CCNB3: variants seen among roughly 807,000 people sequenced by gnomAD.
CCNB3 encodes the protein cyclin B3, also known as G2/mitotic-specific cyclin-B3.
In CCNB3, 12 loss-of-function variants were observed where a neutral mutation model predicts 68.0. The ratio of observed to expected loss-of-function variants is 0.18; its 90% confidence interval spans 0.11 to 0.29. CCNB3 has a LOEUF of 0.29. Ranked by LOEUF, CCNB3 falls within the 10% of genes least tolerant of loss-of-function variation. CCNB3 has a pLI of 1.00. For synonymous variants in CCNB3, 354 were observed against 388.9 expected (o/e 0.91, Z 1.06); for missense variants, 904 against 993.1 (o/e 0.91, Z 1.21).
chrX:50,303,317 T>C (rs1219415609), intron 5 of CCNB3, among the ~76,000 whole-genome samples: 1 of 110,817 alleles, frequency 9.0e-6, no homozygotes, highest in East Asian at 2.8e-4. Context: ...GGCTAATTTT[T>C]ATATTTTTAG....
chrX:50,218,822 G>A (rs1479551411), intron 1 of CCNB3, among the ~76,000 whole-genome samples: 2 of 111,748 alleles, frequency 1.8e-5, no homozygotes, highest in African/African-American at 6.5e-5. Flanking sequence ...GAATCAAATG[G>A]TATTTCTCAT....
intron 2 of CCNB3, 47 bp from the exon 3 acceptor site, chrX:50,285,080 A>T: frequency 1.4e-6 from 1 of 706,377 alleles, no homozygotes. Context: ...CAGAGAATTT[A>T]TCGTGTTTCT....
upstream of CCNB3, among the ~76,000 whole-genome samples, chrX:50,203,542 A>G (rs1332883433): frequency 5.3e-5 from 6 of 112,390 alleles, no homozygotes; most frequent in African/African-American, 1.9e-4. Flanking sequence ...GAGAGTACAC[A>G]ATGACATTTA....
intron 8 of CCNB3, among the ~76,000 whole-genome samples, chrX:50,339,282 A>G (rs1923004958): frequency 3.6e-5 from 4 of 112,247 alleles, no homozygotes; most frequent in African/African-American, 1.3e-4. Context: ...CTCTGGAAAG[A>G]TGGGACAACT....
rs61755285 is a variant in CCNB3, at chrX:50,346,735, C to T, written c.3738C>T (p.Ile1246=). The part of the protein sequence containing the change: ...YQRSEVLSME[I]NILNVLKCDI... ...GATCTGAGGTACTCAGCATGGAAAT[C>T]AACATCCTGAACGTCCTCAAATGTG... The change falls in exon 10 of 13, where the codon ATC becomes ATT. Residue 1246 remains isoleucine, a synonymous_variant. Transcript: ENST00000376042. 4.1e-5 allele frequency: 49 copies of T among 1,209,316 alleles called. No homozygotes were observed. The highest frequency in any genetic ancestry group is 4.8e-5 in the Non-Finnish European group (43 of 894,417).
intron 1 of CCNB3, among the ~76,000 whole-genome samples, chrX:50,226,595 T>TAGA (rs1935821008): frequency 4.5e-4 from 35 of 77,001 alleles, no homozygotes; most frequent in African/African-American, 1.8e-3. Flanking sequence ...CAAATATATA[T>TAGA]ATAGAATATA....
intron 5 of CCNB3, among the ~76,000 whole-genome samples, chrX:50,297,570 T>G (rs1406446069): frequency 1.8e-5 from 2 of 112,388 alleles, no homozygotes; most frequent in African/African-American, 3.2e-5. Flanking sequence ...GCGTGATGCC[T>G]CCAGCTTTGT....
At chrX:50,216,515 G>C (rs1190491077) in intron 1 of CCNB3, among the ~76,000 whole-genome samples, 1 of 110,764 alleles carries the variant, frequency 9.0e-6, no homozygotes, top group Non-Finnish European at 1.9e-5. Flanking sequence ...TGATCCGCTC[G>C]CCTCGGCCTC....
intron 1 of CCNB3, among the ~76,000 whole-genome samples, chrX:50,226,221 TA>T (rs1354864962): frequency 2.9e-5 from 2 of 68,982 alleles, no homozygotes; most frequent in Non-Finnish European, 4.8e-5. Flanking sequence ...TTTATATATA[TA>T]GAATATATAT....
intron 1 of CCNB3, among the ~76,000 whole-genome samples, chrX:50,224,890 T>A (rs1935728320): frequency 8.9e-6 from 1 of 111,741 alleles, no homozygotes; most frequent in Admixed American, 9.6e-5. Flanking sequence ...ATTAAACTTT[T>A]CCATGTCTCA....
rs1343759264 is a variant in CCNB3 at position 50,226,147 on chromosome X, T to G, written c.-113+21197T>G. Among the ~76,000 whole-genome samples the G allele has an allele frequency of 6.2e-3, 469 of 75,609 alleles. 1 individual carries two copies. The highest frequency in any genetic ancestry group is 0.016 in the Middle Eastern group (2 of 124). 65.7% of individuals were successfully genotyped at this position (75,609 alleles called of 115,157 possible). ...ATTCGATATATATAAATATATATTC[T>G]ATATATATGAATATATATCGAATAT... is the stretch of plus-strand genomic sequence containing the variant. On this transcript the variant is annotated intron_variant, in intron 1 of 12. Coordinates refer to ENST00000376042, the MANE Select transcript of CCNB3 (RefSeq NM_033031.3).
At chrX:50,214,608 A>C (rs1447281713) in intron 1 of CCNB3, among the ~76,000 whole-genome samples, 9 of 95,301 alleles carry the variant, frequency 9.4e-5, no homozygotes, top group Non-Finnish European at 1.9e-4. Flanking sequence ...TATTTTATTA[A>C]ATAGTATATA....
At chrX:50,215,940 T>G (rs1390011421) in intron 1 of CCNB3, among the ~76,000 whole-genome samples, 2 of 100,034 alleles carry the variant, frequency 2.0e-5, no homozygotes, top group African/African-American at 7.5e-5. Context: ...GGGGTGTGCT[T>G]CTTTTTTTTT....
At chrX:50,290,441 T>C (rs1196267598) in intron 4 of CCNB3, among the ~76,000 whole-genome samples, 1 of 111,597 alleles carries the variant, frequency 9.0e-6, no homozygotes, top group East Asian at 2.8e-4. Flanking sequence ...ACAAGGGCTG[T>C]GCTCTCATGA....
intron 1 of CCNB3, among the ~76,000 whole-genome samples, chrX:50,228,415 C>A (rs1935967382): frequency 1.2e-5 from 1 of 85,103 alleles, no homozygotes; most frequent in African/African-American, 4.2e-5. Flanking sequence ...GAGGATATAT[C>A]TATGTAGAAT....
intron 8 of CCNB3, among the ~76,000 whole-genome samples, chrX:50,315,146 C>T (rs1171494275): frequency 9.0e-6 from 1 of 111,176 alleles, no homozygotes; most frequent in Non-Finnish European, 1.9e-5. Context: ...AGTGGTTATC[C>T]ATTAGGGGTG....
At chrX:50,295,837 G>A (rs1164570482) in intron 5 of CCNB3, among the ~76,000 whole-genome samples, 1 of 111,410 alleles carries the variant, frequency 9.0e-6, no homozygotes, top group Admixed American at 9.6e-5. Context: ...AGCTTCCACT[G>A]TGATTGGTTG....
In CCNB3 at chrX:50,311,358, C is replaced by T. The variant is rs781933670; in HGVS notation, c.3189C>T (p.Thr1063=). 2 of 1,210,798 alleles carry T rather than the reference C, an allele frequency of 1.7e-6. No homozygotes were observed. Among genetic ancestry groups the T allele is most frequent in the East Asian group, 3.0e-5 (1 of 33,817 alleles). The change falls in exon 6 of 13, where the codon ACC becomes ACT. Residue 1063 remains threonine (T), a synonymous_variant. Coordinates refer to ENST00000376042, the MANE Select transcript of CCNB3 (RefSeq NM_033031.3). ...CCAGCCCATATGTGTTTAGCACCAC[C>T]CCTGAATCCATAACAGAGAAGTCCA... ...IGTSPYVFST[T]PESITEKSSI...
At chrX:50,342,086 C>A in intron 8 of CCNB3, 116 bp from the exon 9 acceptor site, 1 of 854,783 alleles carries the variant, frequency 1.2e-6, no homozygotes, top group Admixed American at 2.3e-5. Flanking sequence ...GTAGCAGAGT[C>A]CCAGCTAGTC....
Sources: allele counts gnomAD v4.1 joint callset (sites outside exome capture counted in the v4.1 genomes callset), GRCh38; gene constraint gnomAD v4.1.1; transcripts MANE v1.5; gene names NCBI Gene and HGNC (gene_info 2026-07-23, HGNC 2026-07-21).